The following TTLL10 variants were observed in gnomAD, a reference collection of about 807,000 sequenced individuals.
The protein encoded by TTLL10 is tubulin tyrosine ligase like 10, also known as inactive polyglycylase TTLL10.
Under a neutral mutation model 69.0 loss-of-function variants are expected in TTLL10, and 61 were observed. The observed-to-expected ratio is 0.88, with a 90% CI of 0.72 to 1.09. The LOEUF is 1.09. TTLL10 is among the 50% of genes least tolerant of loss of function. The pLI is 0.00. For missense variants in TTLL10, 962 were observed against 945.9 expected (o/e 1.02, Z -0.22); for synonymous variants, 408 against 393.3 (o/e 1.04, Z -0.44).
At chr1:1,184,133 A>G (rs745875360) in intron 12 of TTLL10, 42 bp downstream of exon 12, 8 of 1,613,058 alleles carry the variant, frequency 5.0e-6, no homozygotes, top group Admixed American at 1.7e-5. Context: ...CAGCCTTGGG[A>G]TGAGATTAGA....
At position 1,182,960 on chromosome 1, in the gene TTLL10, C is replaced by A. The variant is rs763435422; in HGVS notation, c.1001C>A (p.Ala334Asp). 1.2e-6 allele frequency: 2 copies of A among 1,604,660 alleles called. No homozygotes were observed. Among genetic ancestry groups the A allele is most frequent in the Non-Finnish European group, 1.7e-6 (2 of 1,176,280 alleles). The change falls in exon 11 of 16, where the codon GCC becomes GAC. Residue 334 changes from alanine to aspartate, a missense_variant. Transcript: ENST00000379289. ...FLLRNQEEVA[A>D]LQAKTRSMED... ...CTCCGGAACCAGGAGGAAGTTGCCG[C>A]CCTGCAGGCCAAGACCCGGAGCATG...
At chr1:1,191,237 C>A (rs1347438989) in intron 13 of TTLL10, among the ~76,000 whole-genome samples, 1 of 152,158 alleles carries the variant, frequency 6.6e-6, no homozygotes, top group Non-Finnish European at 1.5e-5. Flanking sequence ...TTATTGACTT[C>A]TAATTTCATT....
chr1:1,190,010 G>T (rs1023013512), intron 13 of TTLL10, among the ~76,000 whole-genome samples: 1 of 151,736 alleles, frequency 6.6e-6, no homozygotes, highest in African/African-American at 2.4e-5. Flanking sequence ...TACTCGGGAG[G>T]CTGAGGCAGG....
Position 1,185,096 on chromosome 1 carries a change from T to C in TTLL10, c.1388T>C (p.Phe463Ser). 1 of 1,613,862 alleles carries C rather than the reference T, an allele frequency of 6.2e-7. No individual in the cohort carries two copies. The highest frequency in any genetic ancestry group is 8.5e-7 in the Non-Finnish European group (1 of 1,179,902). ...KARGLAKDWV[F>S]TTLKKRMQQI... ...CGGGGCCTCGCCAAGGACTGGGTCT[T>C]CACCACCCTCAAGGTGCGTCCACTG... Residue 463 changes from phenylalanine to serine, a missense_variant, in exon 13 of 16, where the codon TTC (phenylalanine) becomes TCC (serine). Physicochemically the swap from Phe to Ser is radical, Grantham distance 155. Coordinates refer to ENST00000379289, the MANE Select transcript of TTLL10 (RefSeq NM_001130045.2). This position sits in a 1 kb window ranked among gnomAD's most constrained non-coding sequence, Gnocchi z 6.1.
intron 13 of TTLL10, among the ~76,000 whole-genome samples, chr1:1,191,163 T>C (rs1047993470): frequency 6.6e-6 from 1 of 152,242 alleles, no homozygotes; most frequent in Non-Finnish European, 1.5e-5. Context: ...CTTTGACCCA[T>C]TGGTTGCTTA....
intron 13 of TTLL10, among the ~76,000 whole-genome samples, chr1:1,186,974 G>T (rs1293024294): frequency 6.6e-6 from 1 of 151,514 alleles, no homozygotes; most frequent in Non-Finnish European, 1.5e-5. Flanking sequence ...AGCCTCCCGA[G>T]TAGCTGGGAC....
At chr1:1,177,974 C>T (rs1017531474) in intron 3 of TTLL10, among the ~76,000 whole-genome samples, 31 of 152,200 alleles carry the variant, frequency 2.0e-4, no homozygotes, top group Admixed American at 2.0e-4. Flanking sequence ...TCCCTGAGGA[C>T]GGGTCCCAGT....
chr1:1,197,029 G>T (rs765641449), intron 14 of TTLL10, 64 bp from the exon 15 acceptor site: 29 of 1,444,472 alleles, frequency 2.0e-5, no homozygotes, highest in Non-Finnish European at 2.7e-5. Context: ...GAGGACCAGG[G>T]CCTCTGCCTC....
chr1:1,197,870 C>T lies in TTLL10; in HGVS notation c.*23C>T, dbSNP rs1294930556. 2.1e-6 allele frequency: 3 copies of T among 1,400,862 alleles called. No individual in the cohort carries two copies. The highest frequency in any genetic ancestry group is 2.5e-4 in the Middle Eastern group (1 of 3,962). The allele number at this position is 1,400,862 out of a possible 1,614,324, so 86.8% of individuals were successfully genotyped here. A position where few individuals can be genotyped will look rare whatever the true frequency, so the allele number is the denominator to read the frequency against. On this transcript the variant is annotated 3_prime_UTR_variant, in exon 16 of 16. Transcript: ENST00000379289. Reference sequence around the variant, plus strand: ...TAGGGGCAGCCACCCGCGCCCAGCGCCCCGCGCCCCGCGCCCCAGCCGTGC... The same window carrying T: ...TAGGGGCAGCCACCCGCGCCCAGCGTCCCGCGCCCCGCGCCCCAGCCGTGC...
Position 1,184,174 on chromosome 1 carries a change from G to A in TTLL10, c.1260+83G>A. The A allele has an allele frequency of 2.6e-6, 4 of 1,568,396 alleles. No homozygotes were observed. In the South Asian group the frequency reaches 3.4e-5, roughly 13 times the overall value. ...GTTCTCACTGCTAGGGGGTGCAGAG[G>A]GGGTGCAGCTACAGAAGGAGGTGGC... On this transcript the variant is annotated intron_variant, in intron 12 of 15. Transcript: ENST00000379289.
At chr1:1,183,157 A>G in intron 11 of TTLL10, 110 bp downstream of exon 11, 1 of 1,343,998 alleles carries the variant, frequency 7.4e-7, no homozygotes, top group East Asian at 2.5e-5. Flanking sequence ...AAGCAGCCGC[A>G]CCACCAGCCC....
chr1:1,183,353 C>A (rs1417899057), intron 11 of TTLL10, among the ~76,000 whole-genome samples: 3 of 152,184 alleles, frequency 2.0e-5, no homozygotes, highest in Non-Finnish European at 4.4e-5. Context: ...TACTCCCCGG[C>A]CCAGCCAGCC....
At chr1:1,179,994 C>T in intron 5 of TTLL10, 40 bp from the exon 6 acceptor site, 2 of 1,476,790 alleles carry the variant, frequency 1.4e-6, no homozygotes, top group Non-Finnish European at 1.8e-6. Flanking sequence ...GAGTGGGCAG[C>T]TCCCGTAGCC....
chr1:1,176,653 G>A (rs867252618), intron 3 of TTLL10, among the ~76,000 whole-genome samples: 1 of 152,172 alleles, frequency 6.6e-6, no homozygotes, highest in South Asian at 2.1e-4. Flanking sequence ...TAGTGGCCTC[G>A]GTGGGCACCC....
chr1:1,185,911 C>A lies in TTLL10; in HGVS notation c.1401+802C>A. On this transcript the variant is annotated intron_variant, in intron 13 of 15. Coordinates refer to ENST00000379289, the MANE Select transcript of TTLL10 (RefSeq NM_001130045.2). The surrounding 1 kb of genome is among the most constrained non-coding windows in gnomAD (Gnocchi z 6.1). ...AGTATTTCAAAAGTTGTGCAATTATCACCACCAATTCCAGAACATTTCATC... is the reference window on the plus strand; with the variant it reads ...AGTATTTCAAAAGTTGTGCAATTATAACCACCAATTCCAGAACATTTCATC... 1.2e-6 allele frequency: 1 copy of A among 836,946 alleles called. No individual in the cohort carries two copies. The highest frequency in any genetic ancestry group is 1.4e-6 in the Non-Finnish European group (1 of 694,450). The allele number at this position is 836,946 out of a possible 1,614,324, so 51.8% of individuals were successfully genotyped here.
At chr1:1,182,250 G>C in intron 9 of TTLL10, 111 bp from the exon 10 acceptor site, 1 of 922,042 alleles carries the variant, frequency 1.1e-6, no homozygotes, top group South Asian at 1.3e-5. Context: ...GCGGGCGCCA[G>C]GTGCCACTGC....
Position 1,179,598 on chromosome 1 carries a change from C to A in TTLL10, c.119-59C>A. The A allele has an allele frequency of 5.2e-6, 8 of 1,548,562 alleles. No individual in the cohort carries two copies. The Admixed American group carries it at 7.9e-5, about 15-fold the overall frequency. ...GGCAGCCCCTCGTCTCCCGGCCTGACAATGGCCCCTTGGGTCACCCATGAC... is the reference window on the plus strand; with the variant it reads ...GGCAGCCCCTCGTCTCCCGGCCTGAAAATGGCCCCTTGGGTCACCCATGAC... On this transcript the variant is annotated intron_variant, in intron 4 of 15. Coordinates refer to ENST00000379289, the MANE Select transcript of TTLL10 (RefSeq NM_001130045.2).
chr1:1,183,815 G>A (rs1647154484), intron 11 of TTLL10, 105 bp from the exon 12 acceptor site: 3 of 1,447,734 alleles, frequency 2.1e-6, no homozygotes, highest in Non-Finnish European at 2.9e-6. Flanking sequence ...CTGGGACAGA[G>A]GCGGGGCGCT....
intron 6 of TTLL10, 52 bp from the exon 7 acceptor site, chr1:1,180,431 C>A: frequency 3.3e-6 from 5 of 1,526,810 alleles, no homozygotes; most frequent in African/African-American, 1.4e-5. Context: ...CGCCCGCCAT[C>A]CCCAACCCCT....
Sources: gnomAD v4.1 joint callset for allele counts (sites outside exome capture counted in the v4.1 genomes callset) on GRCh38, gnomAD v4.1.1 for gene constraint, Gnocchi (gnomAD v3.1) non-coding constraint, MANE v1.5 for transcripts, NCBI Gene and HGNC (gene_info 2026-07-23, HGNC 2026-07-21) for gene names.